COL7A1: variants seen among roughly 807,000 people sequenced by gnomAD.
The protein encoded by COL7A1 is collagen alpha-1(VII) chain.
Under a neutral mutation model 456.2 loss-of-function variants are expected in COL7A1, and 296 were observed. The ratio of observed to expected loss-of-function variants is 0.65; its 90% CI spans 0.59 to 0.71. The LOEUF (loss-of-function observed/expected upper bound fraction) is 0.71. Among genes scored for constraint, COL7A1 ranks in the 30% least tolerant of loss-of-function variants. The pLI is 0.00. For missense variants in COL7A1, 3,441 were observed against 4,017.2 expected (o/e 0.86, Z 3.88); for synonymous variants, 1,464 against 1,525.9 (o/e 0.96, Z 0.95).
Position 48,586,124 on chromosome 3 carries a change from C to G in COL7A1, c.3673G>C (p.Ala1225Pro), listed in dbSNP as rs199679997. Residue 1225 changes from alanine (A) to proline (P), a missense_variant, in exon 28 of 119, where the codon GCA becomes CCA. Ala to Pro is a conservative substitution (Grantham distance 27, BLOSUM62 -1). This residue lies in a region of COL7A1 where 2,084 missense variants were observed against 2,501.3 expected (regional missense o/e 0.83). Coordinates refer to ENST00000681320, the MANE Select transcript of COL7A1 (RefSeq NM_000094.4). The surrounding 1 kb of genome is among the most constrained non-coding windows in gnomAD (Gnocchi z 5.1). ...AVDDGPSLDQAVSGLATALCQ... is the reference protein window; with the variant it reads ...AVDDGPSLDQPVSGLATALCQ... Reference sequence around the variant, plus strand: ...AGGGCTGTGGCCAGACCACTGACTGCCTGGTCCAGGCTTGGCCCATCATCC... The same window carrying G: ...AGGGCTGTGGCCAGACCACTGACTGGCTGGTCCAGGCTTGGCCCATCATCC... 22 of 1,613,412 alleles carry G rather than the reference C, an allele frequency of 1.4e-5. No homozygotes were observed. The Middle Eastern group carries it at 1.5e-3, about 108-fold the overall frequency.
chr3:48,567,125 C>T lies in COL7A1; in HGVS notation c.8109+3G>A. On this transcript the variant is annotated splice_donor_region_variant and intron_variant, in intron 110 of 118. Coordinates refer to ENST00000681320, the MANE Select transcript of COL7A1 (RefSeq NM_000094.4). This position sits in a 1 kb window ranked among gnomAD's most constrained non-coding sequence, Gnocchi z 4.3. ...ATTCACCATGACCATGGCTTCAACT[C>T]ACCCGCTCCCCTTTCTCGCCCTGGT... The T allele has an allele frequency of 1.2e-6, 2 of 1,614,074 alleles. No homozygotes were observed. Among genetic ancestry groups the T allele is most frequent in the East Asian group, 4.5e-5 (2 of 44,880 alleles).
At position 48,572,462 on chromosome 3, in the gene COL7A1, C is replaced by A; in HGVS notation, c.6936+41G>T. On this transcript the variant is annotated intron_variant, in intron 89 of 118. Transcript: ENST00000681320. This position sits in a 1 kb window ranked among gnomAD's most constrained non-coding sequence, Gnocchi z 4.6. ...GGTCAGTGGGATTCCTTGGCCCCCA[C>A]CAGTTGACCCCCCCTCACTGGCAGC... 6.2e-7 allele frequency: 1 copy of A among 1,613,940 alleles called. No individual in the cohort carries two copies.
In COL7A1 at chr3:48,587,310, GA is replaced by G; in HGVS notation, c.3018del (p.Pro1007GlnfsTer9). On this transcript the variant is annotated frameshift_variant, in exon 24 of 119. Transcript: ENST00000681320. LOFTEE classifies it high-confidence loss of function. This position sits in a 1 kb window ranked among gnomAD's most constrained non-coding sequence, Gnocchi z 6.1. ...GQEVPGSPQT[L>X]PGISSSQRVT... ...ACCCGCTGGGAGCTTGAGATCCCTGGAAGTGTCTGCGGGGACCCAGGCACTT... is the reference window on the plus strand; with the variant it reads ...ACCCGCTGGGAGCTTGAGATCCCTGGAGTGTCTGCGGGGACCCAGGCACTT... The G allele has an allele frequency of 6.2e-7, 1 of 1,603,216 alleles. No homozygotes were observed. The highest frequency in any genetic ancestry group is 1.1e-5 in the South Asian group (1 of 89,644).
In COL7A1 at chr3:48,568,317, A is replaced by G; in HGVS notation, c.7795-147T>C. The G allele has an allele frequency of 9.1e-7, 1 of 1,093,702 alleles. No homozygotes were observed. Among genetic ancestry groups the G allele is most frequent in the Non-Finnish European group, 1.4e-6 (1 of 728,914 alleles). The allele number at this position is 1,093,702 out of a possible 1,614,324, so 67.7% of individuals were successfully genotyped here. A position where few individuals can be genotyped will look rare whatever the true frequency, so the allele number is the denominator to read the frequency against. ...GGGGCTTGCCATGGGGACAAGGGTC[A>G]CCATAGGCAGGGGACACCATCATAG... On this transcript the variant is annotated intron_variant, in intron 105 of 118. Coordinates refer to ENST00000681320, the MANE Select transcript of COL7A1 (RefSeq NM_000094.4). This position sits in a 1 kb window ranked among gnomAD's most constrained non-coding sequence, Gnocchi z 5.2.
rs776296194 is a variant in COL7A1, at chr3:48,588,863, G to T, written c.2440+7C>A. 2 of 1,613,616 alleles carry T rather than the reference G, an allele frequency of 1.2e-6. No individual in the cohort carries two copies. The highest frequency in any genetic ancestry group is 2.2e-5 in the South Asian group (2 of 91,090). On this transcript the variant is annotated splice_region_variant and intron_variant, in intron 19 of 118. Coordinates refer to ENST00000681320, the MANE Select transcript of COL7A1 (RefSeq NM_000094.4). This position sits in a 1 kb window ranked among gnomAD's most constrained non-coding sequence, Gnocchi z 4.6. ...GGAAGGACAGGGGTGGCGTCAGGGA[G>T]CCATACCTTCACTCCGGCCCCAGGC...
rs573432153 is a variant in COL7A1, at chr3:48,575,081, C to A, written c.6262G>T (p.Gly2088Ter). Residue 2088 changes from glycine (G) to a stop codon, truncating the protein, a stop_gained, in exon 76 of 119, where the codon GGA (glycine) becomes TGA (stop). Transcript: ENST00000681320. LOFTEE classifies it high-confidence loss of function. This position sits in a 1 kb window ranked among gnomAD's most constrained non-coding sequence, Gnocchi z 6.3. Reference protein sequence around the residue: ...PGLPGTPGPPGPPGPKVSVDE... With the variant: ...PGLPGTPGPP ...GTGATCACCTTGGGGCCAGGGGGTCCGGGGGGCCCAGGGGTTCCAGGGAGT... is the reference window on the plus strand; with the variant it reads ...GTGATCACCTTGGGGCCAGGGGGTCAGGGGGGCCCAGGGGTTCCAGGGAGT... 6.2e-7 allele frequency: 1 copy of A among 1,613,334 alleles called. No individual in the cohort carries two copies. Among genetic ancestry groups the A allele is most frequent in the South Asian group, 1.1e-5 (1 of 91,068 alleles).
chr3:48,591,695 G>T lies in COL7A1; in HGVS notation c.1485C>A (p.Thr495=). The part of the protein sequence containing the change: ...YTLLEGHEVA[T]PATVVPTGPE... ...CACCAGTGGGAACCACGGTTGCAGG[G>T]GTGGCCACCTCGTGGCCCTCCAGCA... Residue 495 remains threonine, a synonymous_variant, in exon 12 of 119, where the codon ACC becomes ACA. Transcript: ENST00000681320. This position sits in a 1 kb window ranked among gnomAD's most constrained non-coding sequence, Gnocchi z 7.0. 6.2e-7 allele frequency: 1 copy of T among 1,614,120 alleles called. No individual in the cohort carries two copies. The highest frequency in any genetic ancestry group is 8.5e-7 in the Non-Finnish European group (1 of 1,180,020).
rs2107733361 is a variant in COL7A1, at chr3:48,584,352, T to C, written c.4143A>G (p.Pro1381=). 6.2e-7 allele frequency: 1 copy of C among 1,613,378 alleles called. No homozygotes were observed. Among genetic ancestry groups the C allele is most frequent in the East Asian group, 2.2e-5 (1 of 44,810 alleles). Residue 1381 remains proline, a synonymous_variant, in exon 37 of 119, where the codon CCA becomes CCG. Transcript: ENST00000681320. ...GGCCACGGGGTCCTGGGTCCCCCAG[T>C]GGTCCACGAGGTCCAGGGGGGCCCT... ...GPSGPPGPRG[P]LGDPGPRGPP... is the part of the protein sequence containing the mutation.
chr3:48,572,201 G>A lies in COL7A1; in HGVS notation c.6979-30C>T. On this transcript the variant is annotated intron_variant, in intron 90 of 118. Coordinates refer to ENST00000681320, the MANE Select transcript of COL7A1 (RefSeq NM_000094.4). This position sits in a 1 kb window ranked among gnomAD's most constrained non-coding sequence, Gnocchi z 4.6. Reference sequence around the variant, plus strand: ...TGACAGAGGTCAGGAGGCAACACAGGCATCAGTCACAGAAAGATGAGACTC... The same window carrying A: ...TGACAGAGGTCAGGAGGCAACACAGACATCAGTCACAGAAAGATGAGACTC... 2 of 1,614,014 alleles carry A rather than the reference G, an allele frequency of 1.2e-6. No individual in the cohort carries two copies. The highest frequency in any genetic ancestry group is 1.7e-6 in the Non-Finnish European group (2 of 1,179,974).
chr3:48,565,267 G>GA lies in COL7A1; in HGVS notation c.8528-67dup. On this transcript the variant is annotated intron_variant, in intron 116 of 118. Transcript: ENST00000681320. The surrounding 1 kb of genome is among the most constrained non-coding windows in gnomAD (Gnocchi z 4.5). ...GCCCCGGGGCAAGGTGGGCAGCACT[G>GA]ATTTCCACTGTGTGCACACAGTGCC... The GA allele has an allele frequency of 6.5e-7, 1 of 1,527,400 alleles. No individual in the cohort carries two copies. Among genetic ancestry groups the GA allele is most frequent in the South Asian group, 1.1e-5 (1 of 87,054 alleles). 94.6% of individuals were successfully genotyped at this position (1,527,400 alleles called of 1,614,324 possible).
intron 71 of COL7A1, 38 bp downstream of exon 71, chr3:48,576,211 C>G: frequency 6.2e-7 from 1 of 1,612,612 alleles, no homozygotes. Context: ...AATGGGCATG[C>G]AAAACAGAGT....
In COL7A1 at chr3:48,589,433, C is replaced by A; in HGVS notation, c.2208G>T (p.Thr736=). 6.2e-7 allele frequency: 1 copy of A among 1,613,766 alleles called. No individual in the cohort carries two copies. The highest frequency in any genetic ancestry group is 8.5e-7 in the Non-Finnish European group (1 of 1,180,016). The change falls in exon 18 of 119, where the codon ACG becomes ACT. Residue 736 remains threonine, a synonymous_variant. Transcript: ENST00000681320. The part of the protein sequence containing the change: ...EKSQLVSGEA[T]VAELDGLEPD... ...GCTCCAGTCCATCCAGCTCAGCCACCGTGGCCTCCCCAGAAACCAACTGGG... is the reference window on the plus strand; with the variant it reads ...GCTCCAGTCCATCCAGCTCAGCCACAGTGGCCTCCCCAGAAACCAACTGGG...
In COL7A1 at chr3:48,593,683, G is replaced by A. The variant is rs2107802279; in HGVS notation, c.280C>T (p.Leu94=). Residue 94 remains leucine (L), a synonymous_variant, in exon 4 of 119, where the codon CTG becomes TTG. Coordinates refer to ENST00000681320, the MANE Select transcript of COL7A1 (RefSeq NM_000094.4). This position sits in a 1 kb window ranked among gnomAD's most constrained non-coding sequence, Gnocchi z 4.4. Reference sequence around the variant, plus strand: ...TCACCCCCAGAGCCAAGTGCATCCAGGCCGAACTCTGTCCTGTTGGAGGGT... The same window carrying A: ...TCACCCCCAGAGCCAAGTGCATCCAAGCCGAACTCTGTCCTGTTGGAGGGT... ...YSDDPRTEFG[L]DALGSGGDVI... 6.2e-7 allele frequency: 1 copy of A among 1,614,212 alleles called. No individual in the cohort carries two copies. Among genetic ancestry groups the A allele is most frequent in the Non-Finnish European group, 8.5e-7 (1 of 1,180,030 alleles).
In COL7A1 at chr3:48,580,528, T is replaced by C. The variant is rs2044670831; in HGVS notation, c.5052+53A>G. On this transcript the variant is annotated intron_variant, in intron 55 of 118. Transcript: ENST00000681320. This position sits in a 1 kb window ranked among gnomAD's most constrained non-coding sequence, Gnocchi z 4.5. ...GGGGGGTAGGATCAGGTATTGGGAA[T>C]TGGCTGGTTGGAGGGTTAAGGTTGG... 5 of 1,587,858 alleles carry C rather than the reference T, an allele frequency of 3.1e-6. No individual in the cohort carries two copies. The African/African-American group carries it at 5.4e-5, about 17-fold the overall frequency.
Position 48,588,810 on chromosome 3 carries a change from A to C in COL7A1, c.2441-22T>G, listed in dbSNP as rs755030947. The C allele has an allele frequency of 6.2e-7, 1 of 1,613,640 alleles. No individual in the cohort carries two copies. The highest frequency in any genetic ancestry group is 8.5e-7 in the Non-Finnish European group (1 of 1,180,030). On this transcript the variant is annotated intron_variant, in intron 19 of 118. Coordinates refer to ENST00000681320, the MANE Select transcript of COL7A1 (RefSeq NM_000094.4). This position sits in a 1 kb window ranked among gnomAD's most constrained non-coding sequence, Gnocchi z 4.6. ...CCGCCTGGCCAGGTGGGCATACAGCAATGGTTAGGGGTGAGCAGTCCCAGC... is the reference window on the plus strand; with the variant it reads ...CCGCCTGGCCAGGTGGGCATACAGCCATGGTTAGGGGTGAGCAGTCCCAGC...
At position 48,573,938 on chromosome 3, in the gene COL7A1, C is replaced by G. The variant is rs1360139681; in HGVS notation, c.6502-48G>C. 1 of 1,609,068 alleles carries G rather than the reference C, an allele frequency of 6.2e-7. No individual in the cohort carries two copies. The highest frequency in any genetic ancestry group is 2.2e-5 in the East Asian group (1 of 44,774). ...AGCCTCAATCTGGGCCTCACTTGGG[C>G]CTGTTCCCAACCTCTGGGGGCTTTT... On this transcript the variant is annotated intron_variant, in intron 80 of 118. Transcript: ENST00000681320. This position sits in a 1 kb window ranked among gnomAD's most constrained non-coding sequence, Gnocchi z 5.5.
Position 48,566,528 on chromosome 3 carries a change from C to G in COL7A1, c.8340G>C (p.Lys2780Asn). The change falls in exon 113 of 119, where the codon AAG (lysine) becomes AAC (asparagine). Residue 2780 changes from lysine to asparagine, a missense_variant. By Grantham distance (94) the Lys-to-Asn change is moderately conservative (BLOSUM62 0). Transcript: ENST00000681320. The surrounding 1 kb of genome is among the most constrained non-coding windows in gnomAD (Gnocchi z 5.9). ...CACTCACCGTCAGTGCAGCTTCTCC[C>G]TTCTCGCCTCGAGGACCGGCAGGCC... ...RPGPAGPRGE[K>N]GEAALTEDDI... 1.2e-6 allele frequency: 2 copies of G among 1,614,180 alleles called. No homozygotes were observed. Among genetic ancestry groups the G allele is most frequent in the Non-Finnish European group, 1.7e-6 (2 of 1,180,024 alleles).
In COL7A1 at chr3:48,588,525, C is replaced by T. The variant is rs918505595; in HGVS notation, c.2587+117G>A. On this transcript the variant is annotated intron_variant, in intron 20 of 118. Coordinates refer to ENST00000681320, the MANE Select transcript of COL7A1 (RefSeq NM_000094.4). This position sits in a 1 kb window ranked among gnomAD's most constrained non-coding sequence, Gnocchi z 4.6. ...CAGACCCCTCTCCCTCCTCTCAGAC[C>T]CTGCCCCCAAAGGCTCACTACCAAT... The T allele has an allele frequency of 1.9e-6, 3 of 1,604,588 alleles. No homozygotes were observed. Among genetic ancestry groups the T allele is most frequent in the Non-Finnish European group, 2.5e-6 (3 of 1,176,610 alleles).
rs758161225 is a variant in COL7A1, at chr3:48,588,336, G to C, written c.2656C>G (p.Arg886Gly). 6.2e-7 allele frequency: 1 copy of C among 1,612,740 alleles called. No homozygotes were observed. ...VQRGEHSLRL[R>G]WEPVPRAQGF... ...TGCGCTCTGGGCACCGGCTCCCAGC[G>C]CAGCCTCAGCGAGTGCTCCCCGCGC... Residue 886 changes from arginine to glycine, a missense_variant, in exon 21 of 119, where the codon CGC becomes GGC. Physicochemically the swap from Arg to Gly is moderately radical, Grantham distance 125. This residue lies in a region of COL7A1 where 444 missense variants were observed against 427.6 expected (regional missense o/e 1.04). Transcript: ENST00000681320. This position sits in a 1 kb window ranked among gnomAD's most constrained non-coding sequence, Gnocchi z 4.6.
Sources: allele counts gnomAD v4.1 joint callset, GRCh38; gene constraint gnomAD v4.1.1; regional missense constraint gnomAD v4.1.1; non-coding constraint Gnocchi (gnomAD v3.1); transcripts MANE v1.5; gene names NCBI Gene and HGNC (gene_info 2026-07-23, HGNC 2026-07-21).